The following TTL variants were observed in gnomAD, a reference collection of about 807,000 sequenced individuals.
The protein encoded by TTL is tubulin tyrosine ligase.
TTL carries 10 observed loss-of-function variants against 41.1 expected under a neutral mutation model. The ratio of observed to expected loss-of-function variants is 0.24; its 90% CI spans 0.15 to 0.41. TTL has a LOEUF of 0.41. Among genes scored for constraint, TTL ranks in the 10% least tolerant of loss-of-function variants. TTL has a pLI of 1.00. For missense variants in TTL, 367 were observed against 460.4 expected, an observed-to-expected ratio of 0.80 and a Z score of 1.86; for synonymous variants, 175 against 175.5, an observed-to-expected ratio of 1.00 and a Z score of 0.02.
Position 112,485,982 on chromosome 2 carries a change from GCTT to G in TTL, c.227_229del (p.Ser76del). 1.2e-6 allele frequency: 2 copies of G among 1,614,192 alleles called. No homozygotes were observed. The highest frequency in any genetic ancestry group is 1.7e-6 in the Non-Finnish European group (2 of 1,180,028). On this transcript the variant is annotated inframe_deletion, in exon 2 of 7. Coordinates refer to ENST00000233336, the MANE Select transcript of TTL (RefSeq NM_153712.5). ...GGGTGCTGACAAACTGTGTCGCAAA[GCTT>G]CTTTAGTGAAGTAAGTGTTAAGACC...
At chr2:112,520,194 C>A in intron 5 of TTL, 88 bp from the exon 6 acceptor site, 2 of 1,320,946 alleles carry the variant, frequency 1.5e-6, no homozygotes, top group Non-Finnish European at 2.1e-6. Context: ...TTGTATTCAT[C>A]TCATATAAAA....
chr2:112,488,132 G>A (rs1681291719), intron 2 of TTL, among the ~76,000 whole-genome samples: 1 of 152,276 alleles, frequency 6.6e-6, no homozygotes. Flanking sequence ...GGGAGTTTCG[G>A]AAATTTCACT....
rs749852356 is a variant in TTL, at chr2:112,494,175, C to T, written c.269C>T (p.Ser90Phe). 2.5e-6 allele frequency: 4 copies of T among 1,614,158 alleles called. No homozygotes were observed. Among genetic ancestry groups the T allele is most frequent in the Non-Finnish European group, 3.4e-6 (4 of 1,180,026 alleles). ...LIKTSPELAE[S>F]CTWFPESYVI... Reference sequence around the variant, plus strand: ...AAGACAAGCCCTGAACTGGCTGAGTCCTGCACATGGTTCCCTGAATCTTAT... The same window carrying T: ...AAGACAAGCCCTGAACTGGCTGAGTTCTGCACATGGTTCCCTGAATCTTAT... The change falls in exon 3 of 7, where the codon TCC (serine) becomes TTC (phenylalanine). Residue 90 changes from serine to phenylalanine, a missense_variant. Coordinates refer to ENST00000233336, the MANE Select transcript of TTL (RefSeq NM_153712.5).
In TTL at chr2:112,510,483, T is replaced by C. The variant is rs150197178; in HGVS notation, c.875+7302T>C. Among the ~76,000 whole-genome samples the C allele has an allele frequency of 4.9e-4, 74 of 152,224 alleles. 1 individual carries two copies. The East Asian group carries it at 0.013, about 27-fold the overall frequency. ...TAATTGATTTGAGATATTTCTTTTTTTTTTTGAGATAGAATTTTGTTCTTA... is the reference window on the plus strand; with the variant it reads ...TAATTGATTTGAGATATTTCTTTTTCTTTTTGAGATAGAATTTTGTTCTTA... On this transcript the variant is annotated intron_variant, in intron 5 of 6. Coordinates refer to ENST00000233336, the MANE Select transcript of TTL (RefSeq NM_153712.5).
Position 112,529,516 on chromosome 2 carries a change from T to C in TTL, c.*721T>C. 1 of 229,118 alleles carries C rather than the reference T, an allele frequency of 4.4e-6. No individual in the cohort carries two copies. The highest frequency in any genetic ancestry group is 6.3e-5 in the East Asian group (1 of 15,894). The allele number at this position is 229,118 out of a possible 1,614,324, so 14.2% of individuals were successfully genotyped here. A position where few individuals can be genotyped will look rare whatever the true frequency, so the allele number is the denominator to read the frequency against. On this transcript the variant is annotated 3_prime_UTR_variant, in exon 7 of 7. Transcript: ENST00000233336. Reference sequence around the variant, plus strand: ...AAACATGATATATTGCTTTACTTAATAGGTTGAATATGGTAGGTCTTTGAA... The same window carrying C: ...AAACATGATATATTGCTTTACTTAACAGGTTGAATATGGTAGGTCTTTGAA...
At position 112,541,145 on chromosome 2, in the gene TTL, T is replaced by C. The variant is rs1348706467; in HGVS notation, c.*12350T>C. 3.3e-5 allele frequency: 5 copies of C among 152,176 alleles called. No homozygotes were observed. The highest frequency in any genetic ancestry group is 3.3e-4 in the Admixed American group (5 of 15,282). 9.4% of individuals were successfully genotyped at this position (152,176 alleles called of 1,614,324 possible). ...CTAATTATGTACCCATAAATTTTTTTTTAAATCCTCATGACCTTGGATTAC... is the reference window on the plus strand; with the variant it reads ...CTAATTATGTACCCATAAATTTTTTCTTAAATCCTCATGACCTTGGATTAC... On this transcript the variant is annotated 3_prime_UTR_variant, in exon 7 of 7. Coordinates refer to ENST00000233336, the MANE Select transcript of TTL (RefSeq NM_153712.5).
At position 112,509,809 on chromosome 2, in the gene TTL, C is replaced by G. The variant is rs574364170; in HGVS notation, c.875+6628C>G. ...GTCGCTCACGCTGGGAGCTGTAGAC[C>G]GGAGCTGTTCCTATTCGGCCATCTT... On this transcript the variant is annotated intron_variant, in intron 5 of 6. Coordinates refer to ENST00000233336, the MANE Select transcript of TTL (RefSeq NM_153712.5). 2.6e-5 allele frequency among the ~76,000 whole-genome samples: 4 copies of G among 152,290 alleles called. 1 individual carries two copies. The highest frequency in any genetic ancestry group is 7.2e-5 in the African/African-American group (3 of 41,572).
chr2:112,497,586 G>C, intron 3 of TTL, among the ~76,000 whole-genome samples: 1 of 151,926 alleles, frequency 6.6e-6, no homozygotes, highest in Non-Finnish European at 1.5e-5. Flanking sequence ...ATCTGAGTCT[G>C]ATTCCTAAGG....
In TTL at chr2:112,538,785, T is replaced by G. The variant is rs993660533; in HGVS notation, c.*9990T>G. 11 of 150,738 alleles carry G rather than the reference T, an allele frequency of 7.3e-5. No individual in the cohort carries two copies. Among genetic ancestry groups the G allele is most frequent in the African/African-American group, 2.7e-4 (11 of 40,986 alleles). 9.3% of individuals were successfully genotyped at this position (150,738 alleles called of 1,614,324 possible). ...AGAGCAAGTCCTGTCTCAAAAAAAT[T>G]AAAAAGTGGGAGCTAAACATTGGGT... On this transcript the variant is annotated 3_prime_UTR_variant, in exon 7 of 7. Transcript: ENST00000233336.
At chr2:112,499,148 A>G (rs1275334374) in intron 3 of TTL, among the ~76,000 whole-genome samples, 1 of 152,108 alleles carries the variant, frequency 6.6e-6, no homozygotes, top group African/African-American at 2.4e-5. Context: ...CCCCATCTCT[A>G]CTAAGAATAC....
intron 6 of TTL, among the ~76,000 whole-genome samples, chr2:112,523,028 G>A (rs1006338938): frequency 8.6e-5 from 13 of 152,004 alleles, no homozygotes; most frequent in Admixed American, 7.2e-4. Flanking sequence ...ACACAAACCA[G>A]ACTCCTCCCT....
chr2:112,486,266 C>T (rs1392998935), intron 2 of TTL, among the ~76,000 whole-genome samples: 2 of 152,092 alleles, frequency 1.3e-5, no homozygotes, highest in East Asian at 1.9e-4. Flanking sequence ...AGACAGCCAT[C>T]GGGAAGCAAG....
chr2:112,529,720 T>TGGG lies in TTL; in HGVS notation c.*926_*927insGGG, dbSNP rs2104481414. The TGGG allele has an allele frequency of 4.5e-6, 1 of 222,070 alleles. No individual in the cohort carries two copies. The highest frequency in any genetic ancestry group is 9.0e-6 in the Non-Finnish European group (1 of 111,018). 13.8% of individuals were successfully genotyped at this position (222,070 alleles called of 1,614,324 possible). Reference sequence around the variant, plus strand: ...AAGTGGCCCTGCCCCAGACAAAGGTTGCTTTCCCCCTTTTTGTTCTTTTTA... The same window carrying TGGG: ...AAGTGGCCCTGCCCCAGACAAAGGTTGGGGCTTTCCCCCTTTTTGTTCTTTTTA... On this transcript the variant is annotated 3_prime_UTR_variant, in exon 7 of 7. Coordinates refer to ENST00000233336, the MANE Select transcript of TTL (RefSeq NM_153712.5).
At chr2:112,518,135 AT>A (rs34617627) in intron 5 of TTL, among the ~76,000 whole-genome samples, 50,669 of 135,926 alleles carry the variant, frequency 0.37, 9,277 homozygotes, top group East Asian at 0.56. Context: ...CAGCCAACTA[AT>A]TTTTTTTTTT....
rs889160449 is a variant in TTL at position 112,532,036 on chromosome 2, C to A, written c.*3241C>A. The A allele has an allele frequency of 4.4e-5, 10 of 228,216 alleles. No homozygotes were observed. The highest frequency in any genetic ancestry group is 8.7e-5 in the Non-Finnish European group (10 of 115,088). The allele number at this position is 228,216 out of a possible 1,614,324, so 14.1% of individuals were successfully genotyped here. A position where few individuals can be genotyped will look rare whatever the true frequency, so the allele number is the denominator to read the frequency against. On this transcript the variant is annotated 3_prime_UTR_variant, in exon 7 of 7. Coordinates refer to ENST00000233336, the MANE Select transcript of TTL (RefSeq NM_153712.5). ...TATGATATAGTGGAGCAGGTGCTGA[C>A]ATAGGTACCAGCTGACATGATGTGT...
chr2:112,516,493 G>A (rs1373970849), intron 5 of TTL, among the ~76,000 whole-genome samples: 1 of 152,150 alleles, frequency 6.6e-6, no homozygotes, highest in Non-Finnish European at 1.5e-5. Flanking sequence ...GGCCAATATG[G>A]TGAAACCCTG....
Position 112,521,415 on chromosome 2 carries a change from G to A in TTL, c.1019+990G>A, listed in dbSNP as rs547875841. Reference sequence around the variant, plus strand: ...TCGGACTCAATTCTCTTGTGCTGAGGGTTCTTCTGAAGATCCTCTTTCATG... The same window carrying A: ...TCGGACTCAATTCTCTTGTGCTGAGAGTTCTTCTGAAGATCCTCTTTCATG... On this transcript the variant is annotated intron_variant, in intron 6 of 6. Transcript: ENST00000233336. The A allele has an allele frequency of 6.4e-5, 61 of 956,024 alleles. No individual in the cohort carries two copies. The South Asian group carries it at 2.6e-3, about 40-fold the overall frequency. 59.2% of individuals were successfully genotyped at this position (956,024 alleles called of 1,614,324 possible).
At chr2:112,512,265 ATTT>A (rs752568110) in intron 5 of TTL, among the ~76,000 whole-genome samples, 8 of 123,638 alleles carry the variant, frequency 6.5e-5, no homozygotes, top group Non-Finnish European at 1.0e-4. Context: ...CTAATTTTGT[ATTT>A]TTTTTTTTTT....
In TTL at chr2:112,528,894, A is replaced by G; in HGVS notation, c.*99A>G. On this transcript the variant is annotated 3_prime_UTR_variant, in exon 7 of 7. Transcript: ENST00000233336. ...TCTTTATCCAGCCCACAGCAGGGGA[A>G]AGAAAGGCAACTCGCAAAGATGAGA... is the stretch of plus-strand genomic sequence containing the variant. 1 of 981,550 alleles carries G rather than the reference A, an allele frequency of 1.0e-6. No individual in the cohort carries two copies. The highest frequency in any genetic ancestry group is 1.4e-5 in the South Asian group (1 of 73,458). 60.8% of individuals were successfully genotyped at this position (981,550 alleles called of 1,614,324 possible). A position where few individuals can be genotyped will look rare whatever the true frequency, so the allele number is the denominator to read the frequency against.
Sources: allele counts gnomAD v4.1 joint callset (sites outside exome capture counted in the v4.1 genomes callset), GRCh38; gene constraint gnomAD v4.1.1; transcripts MANE v1.5; gene names NCBI Gene and HGNC (gene_info 2026-07-23, HGNC 2026-07-21).